The following AKAP13 variants were observed in gnomAD, a reference collection of about 807,000 sequenced individuals.
AKAP13 encodes A-kinase anchoring protein 13.
AKAP13 carries 80 observed loss-of-function variants against 264.5 expected under a neutral mutation model. The observed-to-expected ratio is 0.30, with a 90% CI of 0.25 to 0.36. The LOEUF (loss-of-function observed/expected upper bound fraction) is 0.36, where lower values mean the gene tolerates loss of function less well. AKAP13 is among the 10% of genes least tolerant of loss of function. The probability of loss-of-function intolerance (pLI) is 1.00; values close to 1 mark genes in which losing one functional copy is unlikely to be tolerated. For missense variants in AKAP13, 3,712 were observed against 3,435.2 expected (o/e 1.08, Z -2.01); for synonymous variants, 1,380 against 1,250.2 (o/e 1.10, Z -2.19).
intron 5 of AKAP13, among the ~76,000 whole-genome samples, chr15:85,561,277 C>G (rs536470112): frequency 5.3e-4 from 80 of 152,174 alleles, no homozygotes; most frequent in African/African-American, 1.8e-3. Context: ...AGGCTGGTCT[C>G]GAACTCCTGA....
At chr15:85,565,209 G>T (rs184583077) in intron 5 of AKAP13, among the ~76,000 whole-genome samples, 1 of 151,438 alleles carries the variant, frequency 6.6e-6, no homozygotes, top group Non-Finnish European at 1.5e-5. Context: ...GTACCATTTC[G>T]TTTATTCAGG....
At chr15:85,714,899 G>A (rs2086836229) in intron 19 of AKAP13, among the ~76,000 whole-genome samples, 1 of 152,072 alleles carries the variant, frequency 6.6e-6, no homozygotes, top group Non-Finnish European at 1.5e-5. Flanking sequence ...CCCAGGAGGC[G>A]GAGCTTGCAG....
intron 1 of AKAP13, among the ~76,000 whole-genome samples, chr15:85,415,881 TA>T (rs1490624735): frequency 6.6e-6 from 1 of 152,164 alleles, no homozygotes; most frequent in Non-Finnish European, 1.5e-5. Context: ...GATTATCTTT[TA>T]AAAAATAATG....
rs148729235 is a variant in AKAP13 at position 85,576,677 on chromosome 15, G to A, written c.861+1348G>A. The stretch of plus-strand genomic sequence containing the variant: ...AGCATGCATTATTTGAGACCAGCAA[G>A]CCAAGAAATTCCATAGGGTTATGTG... On this transcript the variant is annotated intron_variant, in intron 6 of 36. Coordinates refer to ENST00000394518, the MANE Select transcript of AKAP13 (RefSeq NM_007200.5). 6.4e-3 allele frequency among the ~76,000 whole-genome samples: 968 copies of A among 152,322 alleles called. 11 individuals are homozygous for A. The highest frequency in any genetic ancestry group is 0.022 in the African/African-American group (907 of 41,574).
At chr15:85,695,025 T>C (rs1390964213) in intron 17 of AKAP13, among the ~76,000 whole-genome samples, 2 of 152,050 alleles carry the variant, frequency 1.3e-5, no homozygotes, top group Non-Finnish European at 1.5e-5. Flanking sequence ...CCTCCTGACA[T>C]CAAGTGATCT....
At chr15:85,596,960 G>A (rs1263397123) in intron 8 of AKAP13, among the ~76,000 whole-genome samples, 3 of 152,158 alleles carry the variant, frequency 2.0e-5, no homozygotes, top group African/African-American at 4.8e-5. Flanking sequence ...AGGCTAAGTA[G>A]TTAAAAATTA....
chr15:85,738,946 C>T (rs927693316), intron 33 of AKAP13, among the ~76,000 whole-genome samples: 1 of 150,540 alleles, frequency 6.6e-6, no homozygotes, highest in Admixed American at 6.6e-5. Context: ...AATAGTTTTA[C>T]ATAATTCATA....
Position 85,743,500 on chromosome 15 carries a change from T to C in AKAP13, c.8067T>C (p.His2689=), listed in dbSNP as rs749009575. The C allele has an allele frequency of 6.2e-7, 1 of 1,613,598 alleles. No individual in the cohort carries two copies. Among genetic ancestry groups the C allele is most frequent in the Admixed American group, 1.7e-5 (1 of 59,980 alleles). The change falls in exon 36 of 37, where the codon CAT becomes CAC. Residue 2689 remains histidine (H), a synonymous_variant. Transcript: ENST00000394518. ...QTERDLCQVS[H]PHTKLMRIPS... is the part of the protein sequence containing the mutation. Reference sequence around the variant, plus strand: ...CTCTTGAATATGTACAGGTTTCCCATCCACATACCAAGCTGATGAGGATCC... The same window carrying C: ...CTCTTGAATATGTACAGGTTTCCCACCCACATACCAAGCTGATGAGGATCC...
At chr15:85,412,025 G>T (rs1450945258) in intron 1 of AKAP13, among the ~76,000 whole-genome samples, 1 of 152,184 alleles carries the variant, frequency 6.6e-6, no homozygotes, top group Non-Finnish European at 1.5e-5. Context: ...TTTTGATATT[G>T]TATAATGAAA....
At chr15:85,507,480 T>G (rs1322116526) in intron 2 of AKAP13, among the ~76,000 whole-genome samples, 1 of 152,004 alleles carries the variant, frequency 6.6e-6, no homozygotes, top group African/African-American at 2.4e-5. Context: ...ACAGATAAAG[T>G]TTGCCAATCC....
intron 1 of AKAP13, chr15:85,381,735 A>C (rs2070283743): frequency 6.6e-6 from 1 of 152,106 alleles, no homozygotes; most frequent in South Asian, 2.1e-4. Context: ...TTTGGTGTTC[A>C]TTCTTTGCTA....
At chr15:85,411,638 C>A (rs1412484394) in intron 1 of AKAP13, among the ~76,000 whole-genome samples, 1 of 152,132 alleles carries the variant, frequency 6.6e-6, no homozygotes, top group East Asian at 1.9e-4. Flanking sequence ...AGGGTTTCAC[C>A]GTGTTACCCA....
intron 1 of AKAP13, among the ~76,000 whole-genome samples, chr15:85,418,598 T>G (rs1374563515): frequency 1.3e-5 from 2 of 152,234 alleles, no homozygotes; most frequent in Admixed American, 1.3e-4. Flanking sequence ...TGTTGAATTA[T>G]TTAAGCTTGT....
chr15:85,725,353 G>T (rs1018013753), intron 26 of AKAP13, among the ~76,000 whole-genome samples: 1 of 151,668 alleles, frequency 6.6e-6, no homozygotes, highest in Non-Finnish European at 1.5e-5. Context: ...AAGATTCAAT[G>T]AAGTTAAAAT....
chr15:85,455,269 A>G (rs1567065709), intron 1 of AKAP13, among the ~76,000 whole-genome samples: 1 of 152,198 alleles, frequency 6.6e-6, no homozygotes, highest in African/African-American at 2.4e-5. Flanking sequence ...AGAATTAGGC[A>G]GAGTGGGAGT....
chr15:85,438,835 T>A (rs1373504834), intron 1 of AKAP13, among the ~76,000 whole-genome samples: 4 of 151,430 alleles, frequency 2.6e-5, no homozygotes, highest in Non-Finnish European at 5.9e-5. Context: ...GATTAAAGAT[T>A]TAAACGTTAG....
intron 8 of AKAP13, among the ~76,000 whole-genome samples, chr15:85,597,536 G>A (rs1048678672): frequency 2.0e-5 from 3 of 152,162 alleles, no homozygotes; most frequent in Non-Finnish European, 2.9e-5. Flanking sequence ...AAAAATTATG[G>A]GAAGGATACA....
At chr15:85,587,457 T>C (rs910496926) in intron 8 of AKAP13, among the ~76,000 whole-genome samples, 17 of 152,248 alleles carry the variant, frequency 1.1e-4, no homozygotes, top group Admixed American at 5.9e-4. Context: ...ATTTGGATTG[T>C]TTCCACTTTT....
At chr15:85,740,333 G>C (rs1238450470) in intron 34 of AKAP13, 61 bp downstream of exon 34, 1 of 1,588,514 alleles carries the variant, frequency 6.3e-7, no homozygotes, top group African/African-American at 1.3e-5. Context: ...GCTTGGGGCT[G>C]TTGTTGACTT....
Sources: allele counts gnomAD v4.1 joint callset (sites outside exome capture counted in the v4.1 genomes callset), GRCh38; gene constraint gnomAD v4.1.1; transcripts MANE v1.5; gene names NCBI Gene and HGNC (gene_info 2026-07-23, HGNC 2026-07-21).